The following MTG2 variants were observed in gnomAD, a reference collection of about 807,000 sequenced individuals.
MTG2 encodes mitochondrial ribosome-associated GTPase 2.
Under a neutral mutation model 28.6 loss-of-function variants are expected in MTG2, and 23 were observed. The ratio of observed to expected loss-of-function variants is 0.80; its 90% CI spans 0.58 to 1.14. The LOEUF (loss-of-function observed/expected upper bound fraction) is 1.14. Among genes scored for constraint, MTG2 ranks in the 50% most tolerant of loss-of-function variants. The pLI, the probability that MTG2 is intolerant of heterozygous loss-of-function variation, is 0.00. For synonymous variants in MTG2, 260 were observed against 251.8 expected (o/e 1.03, Z -0.31); for missense variants, 539 against 552.0 (o/e 0.98, Z 0.24).
At chr20:62,186,528 G>GGT (rs1568780789) in intron 1 of MTG2, among the ~76,000 whole-genome samples, 2 of 127,046 alleles carry the variant, frequency 1.6e-5, no homozygotes, top group South Asian at 2.6e-4. Context: ...TTTTTTTTTT[G>GGT]TTTTTTTTTT....
intron 5 of MTG2, 116 bp downstream of exon 5, chr20:62,198,968 C>T: frequency 1.3e-6 from 2 of 1,535,824 alleles, no homozygotes; most frequent in Non-Finnish European, 1.8e-6. Context: ...TCACCTTTTT[C>T]CCATCAGTAC....
intron 4 of MTG2, 98 bp downstream of exon 4, chr20:62,198,065 T>A (rs113369435): frequency 8.7e-6 from 8 of 923,358 alleles, no homozygotes; most frequent in African/African-American, 8.3e-5. Context: ...TGTGGCTTGA[T>A]GCCCACAGCT....
At chr20:62,193,739 G>A in intron 2 of MTG2, 115 bp downstream of exon 2, 1 of 990,992 alleles carries the variant, frequency 1.0e-6, no homozygotes, top group Non-Finnish European at 1.5e-6. Context: ...TGATCTTAGT[G>A]ATGGGGCACG....
In MTG2 at chr20:62,195,886, C is replaced by G; in HGVS notation, c.289C>G (p.Arg97Gly). ...AGASCFHSEP[R>G]KEFGGPDGGD... ...GGCAAGCTGCTTCCACAGTGAGCCC[C>G]GCAAGGAGTTTGGAGGCCCTGATGG... The change falls in exon 3 of 7, where the codon CGC (arginine) becomes GGC (glycine). Residue 97 changes from arginine to glycine, a missense_variant. By Grantham distance (125) the Arg-to-Gly change is moderately radical. Coordinates refer to ENST00000370823, the MANE Select transcript of MTG2 (RefSeq NM_015666.4). 1.2e-6 allele frequency: 2 copies of G among 1,614,136 alleles called. No homozygotes were observed. Among genetic ancestry groups the G allele is most frequent in the Non-Finnish European group, 1.7e-6 (2 of 1,180,036 alleles).
chr20:62,198,712 G>A lies in MTG2; in HGVS notation c.547G>A (p.Ala183Thr), dbSNP rs759713135. 1.3e-5 allele frequency: 21 copies of A among 1,614,038 alleles called. No individual in the cohort carries two copies. The East Asian group carries it at 2.7e-4, about 21-fold the overall frequency. Residue 183 changes from alanine to threonine, a missense_variant, in exon 5 of 7, where the codon GCG becomes ACG. Physicochemically the swap from Ala to Thr is moderately conservative, Grantham distance 58. Coordinates refer to ENST00000370823, the MANE Select transcript of MTG2 (RefSeq NM_015666.4). ...TTGCGTGGGAGATGAGTACATTGCCGCGCTGGGCGGGGCAGGAGGGAAAGG... is the reference window on the plus strand; with the variant it reads ...TTGCGTGGGAGATGAGTACATTGCCACGCTGGGCGGGGCAGGAGGGAAAGG... The part of the protein sequence containing the change: ...LSCVGDEYIA[A>T]LGGAGGKGNR...
chr20:62,195,989 C>T (rs2058050445), intron 3 of MTG2, 40 bp downstream of exon 3: 1 of 1,607,736 alleles, frequency 6.2e-7, no homozygotes, highest in Non-Finnish European at 8.5e-7. Context: ...TGAGGAGGGG[C>T]CCCGAGACTG....
chr20:62,183,266 C>T (rs1300913014), intron 1 of MTG2, among the ~76,000 whole-genome samples: 1 of 152,150 alleles, frequency 6.6e-6, no homozygotes, highest in East Asian at 1.9e-4. Flanking sequence ...AGCGCTCGGG[C>T]GGTGGGGAGC....
At position 62,200,864 on chromosome 20, in the gene MTG2, T is replaced by A; in HGVS notation, c.1008T>A (p.Ser336=). 6.2e-7 allele frequency: 1 copy of A among 1,613,984 alleles called. No individual in the cohort carries two copies. Among genetic ancestry groups the A allele is most frequent in the Non-Finnish European group, 8.5e-7 (1 of 1,180,038 alleles). ...TGGAGATGTATGAAAAGGGCCTGTC[T>A]GCGAGGCCCCACGCAATCGTCGCAA... The part of the protein sequence containing the change: ...YELEMYEKGL[S]ARPHAIVANK... Residue 336 remains serine, a synonymous_variant, in exon 7 of 7, where the codon TCT becomes TCA. Transcript: ENST00000370823.
In MTG2 at chr20:62,198,865, A is replaced by C; in HGVS notation, c.687+13A>C. ...CCACGCCGGAATGGTAGGTGTCCCC[A>C]CTGCCAACAGCATCTGCACACACTC... On this transcript the variant is annotated intron_variant, in intron 5 of 6. Transcript: ENST00000370823. 6.2e-7 allele frequency: 1 copy of C among 1,613,882 alleles called. No individual in the cohort carries two copies. Among genetic ancestry groups the C allele is most frequent in the Non-Finnish European group, 8.5e-7 (1 of 1,179,910 alleles).
intron 1 of MTG2, among the ~76,000 whole-genome samples, chr20:62,186,342 C>T (rs2057844486): frequency 6.6e-6 from 1 of 152,060 alleles, no homozygotes; most frequent in Admixed American, 6.6e-5. Flanking sequence ...AGGTAGAGGT[C>T]TTGAAGGTTT....
Position 62,195,964 on chromosome 20 carries a change from G to A in MTG2, c.352+15G>A, listed in dbSNP as rs765512362. ...CATTCTGAGAGGCAGGTGCCCTGGGGCAGTGCAGCGGGGTTGAGGAGGGGC... is the reference window on the plus strand; with the variant it reads ...CATTCTGAGAGGCAGGTGCCCTGGGACAGTGCAGCGGGGTTGAGGAGGGGC... On this transcript the variant is annotated intron_variant, in intron 3 of 6. Coordinates refer to ENST00000370823, the MANE Select transcript of MTG2 (RefSeq NM_015666.4). The A allele has an allele frequency of 3.1e-6, 5 of 1,613,526 alleles. No individual in the cohort carries two copies. The Admixed American group carries it at 6.7e-5, about 22-fold the overall frequency.
chr20:62,193,630 A>G lies in MTG2; in HGVS notation c.204+6A>G, dbSNP rs780167603. On this transcript the variant is annotated splice_donor_region_variant and intron_variant, in intron 2 of 6. Transcript: ENST00000370823. ...TGCTCTCTGAGAAAAAGCTGGTGAG[A>G]CTCCTGGAGTTAGAGCAGCTTGCCT... The G allele has an allele frequency of 1.9e-5, 31 of 1,605,020 alleles. No individual in the cohort carries two copies. The highest frequency in any genetic ancestry group is 2.6e-5 in the Non-Finnish European group (30 of 1,176,366).
At chr20:62,191,335 T>A (rs2145840024) in intron 1 of MTG2, among the ~76,000 whole-genome samples, 1 of 151,962 alleles carries the variant, frequency 6.6e-6, no homozygotes, top group Non-Finnish European at 1.5e-5. Flanking sequence ...GGGCTGTCGG[T>A]CATGGCCAGT....
intron 1 of MTG2, among the ~76,000 whole-genome samples, chr20:62,184,014 G>A (rs989105949): frequency 4.6e-5 from 7 of 152,216 alleles, no homozygotes; most frequent in African/African-American, 1.7e-4. Flanking sequence ...CTGAACCTCT[G>A]TGAGTCTCAG....
intron 1 of MTG2, among the ~76,000 whole-genome samples, chr20:62,184,741 G>A (rs2057805992): frequency 6.6e-6 from 1 of 152,194 alleles, no homozygotes; most frequent in Admixed American, 6.5e-5. Flanking sequence ...AAGCTGGTCT[G>A]GAAAAGCAAA....
intron 1 of MTG2, among the ~76,000 whole-genome samples, chr20:62,192,670 A>C (rs1379909022): frequency 1.3e-5 from 2 of 152,050 alleles, no homozygotes; most frequent in Non-Finnish European, 2.9e-5. Flanking sequence ...GAGGTGCCTC[A>C]TTAGAACAGA....
chr20:62,201,201 G>T lies in MTG2; in HGVS notation c.*124G>T. The T allele has an allele frequency of 1.6e-6, 2 of 1,242,000 alleles. No homozygotes were observed. Among genetic ancestry groups the T allele is most frequent in the Non-Finnish European group, 2.2e-6 (2 of 923,334 alleles). 76.9% of individuals were successfully genotyped at this position (1,242,000 alleles called of 1,614,324 possible). On this transcript the variant is annotated 3_prime_UTR_variant, in exon 7 of 7. Transcript: ENST00000370823. ...AGTTGTGGTGCTTCTGGGTCTCTGG[G>T]CCCCGCCTGCTGGCCTGAGATGCCC...
intron 6 of MTG2, 27 bp downstream of exon 6, chr20:62,199,284 G>A (rs2058119535): frequency 6.2e-7 from 1 of 1,600,138 alleles, no homozygotes; most frequent in Non-Finnish European, 8.5e-7. Context: ...TCTCCCAAAG[G>A]TTAGATTTAA....
chr20:62,183,275 G>A (rs1162379214), intron 1 of MTG2, among the ~76,000 whole-genome samples: 2 of 152,172 alleles, frequency 1.3e-5, no homozygotes, highest in African/African-American at 4.8e-5. Flanking sequence ...GCGGTGGGGA[G>A]CGGCGCCTTG....
Sources: allele counts gnomAD v4.1 joint callset (sites outside exome capture counted in the v4.1 genomes callset), GRCh38; gene constraint gnomAD v4.1.1; transcripts MANE v1.5; gene names NCBI Gene and HGNC (gene_info 2026-07-23, HGNC 2026-07-21).